MELK: variants seen among roughly 807,000 people sequenced by gnomAD.
MELK encodes the protein maternal embryonic leucine zipper kinase.
MELK carries 81 observed loss-of-function variants against 85.0 expected under a neutral mutation model. The ratio of observed to expected loss-of-function variants is 0.95; its 90% CI spans 0.80 to 1.15. The LOEUF is 1.15. MELK is among the 50% of genes most tolerant of loss of function. MELK has a pLI of 0.00. For missense variants in MELK, 754 were observed against 777.5 expected, an observed-to-expected ratio of 0.97 and a Z score of 0.36; for synonymous variants, 252 against 265.0, an observed-to-expected ratio of 0.95 and a Z score of 0.48.
intron 4 of MELK, among the ~76,000 whole-genome samples, chr9:36,592,079 T>C (rs1395105226): frequency 6.6e-6 from 1 of 152,068 alleles, no homozygotes; most frequent in Admixed American, 6.6e-5. Flanking sequence ...CTTGGACTCC[T>C]GGCCTTAAGC....
chr9:36,579,146 G>A, intron 1 of MELK, among the ~76,000 whole-genome samples: 1 of 152,288 alleles, frequency 6.6e-6, no homozygotes, highest in East Asian at 1.9e-4. Context: ...TCCTGCCTCA[G>A]CCTCCCGAGT....
rs951939924 is a variant in MELK at position 36,669,406 on chromosome 9, G to A, written c.1505G>A (p.Arg502Gln). The change falls in exon 15 of 18, where the codon CGG becomes CAG. Residue 502 changes from arginine (R) to glutamine (Q), a missense_variant and splice_region_variant. By Grantham distance (43) the Arg-to-Gln change is conservative. Coordinates refer to ENST00000298048, the MANE Select transcript of MELK (RefSeq NM_014791.4). ...ACAGGTGTCATTAGCCCTGAGAGGC[G>A]GTAAGTGTTTGGTTTTTTTAGACTC... is the stretch of plus-strand genomic sequence containing the variant. Reference protein sequence around the residue: ...LMTGVISPERRCRSVELDLNQ... With the variant: ...LMTGVISPERQCRSVELDLNQ... 5.9e-5 allele frequency: 94 copies of A among 1,587,908 alleles called. No homozygotes were observed. Among genetic ancestry groups the A allele is most frequent in the Non-Finnish European group, 7.3e-5 (85 of 1,169,574 alleles).
chr9:36,610,084 G>GCGCTA (rs1825939892), intron 8 of MELK, among the ~76,000 whole-genome samples: 1 of 152,206 alleles, frequency 6.6e-6, no homozygotes, highest in Non-Finnish European at 1.5e-5. Flanking sequence ...AGTACAGGTA[G>GCGCTA]CATGAGCAAA....
intron 16 of MELK, 79 bp downstream of exon 16, chr9:36,671,245 G>T: frequency 7.4e-7 from 1 of 1,343,676 alleles, no homozygotes; most frequent in Non-Finnish European, 9.8e-7. Flanking sequence ...GGTGCTGAAT[G>T]AATTGATTAG....
At chr9:36,576,676 T>C (rs2134748483) in intron 1 of MELK, among the ~76,000 whole-genome samples, 1 of 152,066 alleles carries the variant, frequency 6.6e-6, no homozygotes, top group South Asian at 2.1e-4. Flanking sequence ...GGATTACAGG[T>C]GTGCATCACC....
rs755677166 is a variant in MELK, at chr9:36,643,112, G to T, written c.921+29G>T. 1.7e-5 allele frequency: 27 copies of T among 1,582,828 alleles called. 1 individual carries two copies. Among genetic ancestry groups the T allele is most frequent in the Non-Finnish European group, 2.2e-5 (26 of 1,155,724 alleles). On this transcript the variant is annotated intron_variant, in intron 11 of 17. Coordinates refer to ENST00000298048, the MANE Select transcript of MELK (RefSeq NM_014791.4). ...AGAAATACAGCATGGGCTGGGCGCA[G>T]TGGCTCACGCCTGTAATCCAAACAC...
intron 9 of MELK, among the ~76,000 whole-genome samples, 181 bp from the exon 10 acceptor site, chr9:36,632,921 T>C (rs908255796): frequency 3.3e-5 from 5 of 152,254 alleles, no homozygotes; most frequent in African/African-American, 1.2e-4. Flanking sequence ...TGCTATAGTT[T>C]TCTTGCCTCT....
At chr9:36,622,361 C>T (rs1232220912) in intron 8 of MELK, among the ~76,000 whole-genome samples, 12 of 152,196 alleles carry the variant, frequency 7.9e-5, no homozygotes, top group Non-Finnish European at 1.6e-4. Context: ...AAATTCCTCA[C>T]TTGGGAATAA....
chr9:36,575,089 C>T (rs905986062), intron 1 of MELK, among the ~76,000 whole-genome samples: 8 of 152,054 alleles, frequency 5.3e-5, no homozygotes, highest in East Asian at 1.9e-4. Context: ...GCCGAGATTA[C>T]GCCACTGCAC....
chr9:36,651,860 C>T lies in MELK; in HGVS notation c.1036C>T (p.Pro346Ser). The T allele has an allele frequency of 6.2e-7, 1 of 1,613,674 alleles. No homozygotes were observed. The highest frequency in any genetic ancestry group is 1.1e-5 in the South Asian group (1 of 91,012). ...CTCCTGTGGACAAGCCAGTGCTACCCCATTCACAGACATCAAGGTAAGTGT... is the reference window on the plus strand; with the variant it reads ...CTCCTGTGGACAAGCCAGTGCTACCTCATTCACAGACATCAAGGTAAGTGT... ...SFSCGQASAT[P>S]FTDIKSNNWS... The change falls in exon 12 of 18, where the codon CCA becomes TCA. Residue 346 changes from proline (P) to serine (S), a missense_variant. Transcript: ENST00000298048.
chr9:36,676,047 C>T (rs945923699), intron 17 of MELK, among the ~76,000 whole-genome samples: 1 of 152,130 alleles, frequency 6.6e-6, no homozygotes, highest in African/African-American at 2.4e-5. Flanking sequence ...CTGGGCATAC[C>T]TCTGTCACAG....
Position 36,596,563 on chromosome 9 carries a change from GTTTTTTTTGTTTTTTTTGTTTTTTTTGTT to G in MELK, c.406-650_406-622del, listed in dbSNP as rs1824273486. 4.7e-5 allele frequency among the ~76,000 whole-genome samples: 5 copies of G among 106,134 alleles called. No homozygotes were observed. The East Asian group carries it at 7.6e-4, about 16-fold the overall frequency. 69.6% of individuals were successfully genotyped at this position (106,134 alleles called of 152,430 possible). A position where few individuals can be genotyped will look rare whatever the true frequency, so the allele number is the denominator to read the frequency against. ...TGAGCCACTGCGCCCGGCCCTTTTT[GTTTTTTTTGTTTTTTTTGTTTTTTTTGTT>G]TTTTTTTTTTTGAGATGGAGTTTCG... On this transcript the variant is annotated intron_variant, in intron 5 of 17. Transcript: ENST00000298048.
intron 1 of MELK, among the ~76,000 whole-genome samples, chr9:36,574,746 T>C (rs979929663): frequency 3.3e-5 from 5 of 152,216 alleles, no homozygotes; most frequent in Admixed American, 2.0e-4. Flanking sequence ...CCAAATAATA[T>C]TGTTAAAAAA....
chr9:36,598,760 G>C (rs1021765325), intron 6 of MELK, among the ~76,000 whole-genome samples: 1 of 152,130 alleles, frequency 6.6e-6, no homozygotes, highest in Middle Eastern at 3.2e-3. Flanking sequence ...ATGGAAAGAC[G>C]TGGATGCTTG....
At position 36,677,319 on chromosome 9, in the gene MELK, A is replaced by G. The variant is rs746078665; in HGVS notation, c.1938A>G (p.Leu646=). 8 of 1,612,910 alleles carry G rather than the reference A, an allele frequency of 5.0e-6. No individual in the cohort carries two copies. Among genetic ancestry groups the G allele is most frequent in the East Asian group, 2.2e-5 (1 of 44,876 alleles). ...ACAAAAGATTAGTGGAAGACATCCT[A>G]TCTAGCTGCAAGGTATAATTGATGG... ...WVYKRLVEDI[L]SSCKV The change falls in exon 18 of 18, where the codon CTA becomes CTG. Residue 646 remains leucine, a synonymous_variant. Transcript: ENST00000298048.
At chr9:36,588,914 G>A (rs192066023) in intron 3 of MELK, among the ~76,000 whole-genome samples, 3 of 152,242 alleles carry the variant, frequency 2.0e-5, no homozygotes, top group Admixed American at 2.0e-4. Context: ...TGCTGAGGCT[G>A]AAAGTGGTAG....
intron 16 of MELK, 139 bp downstream of exon 16, chr9:36,671,305 C>T: frequency 1.0e-6 from 1 of 976,874 alleles, no homozygotes; most frequent in Non-Finnish European, 1.4e-6. Flanking sequence ...GTTTTTTGAG[C>T]AACTAAAATC....
At chr9:36,604,817 A>AT (rs1179292945) in intron 7 of MELK, among the ~76,000 whole-genome samples, 1 of 151,950 alleles carries the variant, frequency 6.6e-6, no homozygotes, top group Non-Finnish European at 1.5e-5. Context: ...CAAATTTTGT[A>AT]TTTTTAGTAG....
At chr9:36,672,768 C>T (rs1423351564) in intron 16 of MELK, among the ~76,000 whole-genome samples, 1 of 152,134 alleles carries the variant, frequency 6.6e-6, no homozygotes, top group Admixed American at 6.6e-5. Context: ...ATATTAAATG[C>T]TTTATGAGTA....
Sources: allele counts gnomAD v4.1 joint callset (sites outside exome capture counted in the v4.1 genomes callset), GRCh38; gene constraint gnomAD v4.1.1; transcripts MANE v1.5; gene names NCBI Gene and HGNC (gene_info 2026-07-23, HGNC 2026-07-21).